The following TINAG variants were observed in gnomAD, a reference collection of about 807,000 sequenced individuals.
TINAG encodes the protein tubulointerstitial nephritis antigen.
TINAG carries 83 observed loss-of-function variants against 72.7 expected under a neutral mutation model. The ratio of observed to expected loss-of-function variants is 1.14; its 90% CI spans 0.96 to 1.37. The LOEUF (loss-of-function observed/expected upper bound fraction) is 1.37, where lower values mean the gene tolerates loss of function less well. Among genes scored for constraint, TINAG ranks in the 40% most tolerant of loss-of-function variants. TINAG has a pLI of 0.00. For synonymous variants in TINAG, 234 were observed against 189.9 expected, an observed-to-expected ratio of 1.23 and a Z score of -1.91; for missense variants, 685 against 576.6, an observed-to-expected ratio of 1.19 and a Z score of -1.93.
At chr6:54,336,586 A>G (rs752776800) in intron 4 of TINAG, among the ~76,000 whole-genome samples, 4 of 152,188 alleles carry the variant, frequency 2.6e-5, no homozygotes, top group Non-Finnish European at 5.9e-5. Context: ...TATTAAAAAT[A>G]TTTTGAAAAA....
At chr6:54,320,530 T>A in intron 1 of TINAG, 49 bp from the exon 2 acceptor site, 3 of 1,454,994 alleles carry the variant, frequency 2.1e-6, no homozygotes, top group Non-Finnish European at 2.8e-6. Flanking sequence ...GTTAATGCAC[T>A]TTATTACTTA....
At chr6:54,364,116 A>G (rs1477395719) in intron 9 of TINAG, among the ~76,000 whole-genome samples, 2 of 151,404 alleles carry the variant, frequency 1.3e-5, no homozygotes, top group African/African-American at 4.8e-5. Flanking sequence ...GGAAAATTAG[A>G]TAGTTTGTAA....
intron 1 of TINAG, among the ~76,000 whole-genome samples, chr6:54,315,571 G>C (rs1036634747): frequency 1.4e-4 from 21 of 152,026 alleles, no homozygotes; most frequent in Non-Finnish European, 2.6e-4. Flanking sequence ...CATCTACATG[G>C]GAGGCTGAGG....
intron 4 of TINAG, among the ~76,000 whole-genome samples, chr6:54,330,978 C>G (rs1389580220): frequency 1.3e-5 from 2 of 152,074 alleles, no homozygotes; most frequent in African/African-American, 4.8e-5. Flanking sequence ...AGCCTACCAA[C>G]CAAAAAAGTC....
intron 4 of TINAG, among the ~76,000 whole-genome samples, chr6:54,334,009 A>G (rs1003840598): frequency 2.0e-4 from 31 of 152,114 alleles, no homozygotes; most frequent in Admixed American, 2.0e-3. Flanking sequence ...TTGAACTATC[A>G]TATTGGTTTT....
chr6:54,355,714 C>CGTGT (rs5876379), intron 9 of TINAG, among the ~76,000 whole-genome samples: 7,392 of 144,956 alleles, frequency 0.051, 402 homozygotes, highest in African/African-American at 0.13. Flanking sequence ...AAAAATGTAA[C>CGTGT]GTGTGTGTGT....
intron 9 of TINAG, 106 bp downstream of exon 9, chr6:54,354,742 G>A: frequency 8.1e-7 from 1 of 1,237,046 alleles, no homozygotes. Flanking sequence ...GAGAGATTGT[G>A]ATACAAATGA....
chr6:54,387,085 A>C (rs1184293037), intron 10 of TINAG, among the ~76,000 whole-genome samples: 1 of 152,178 alleles, frequency 6.6e-6, no homozygotes. Flanking sequence ...ATAACTCAAT[A>C]AAATAGAACT....
chr6:54,309,943 T>C (rs1317739663), intron 1 of TINAG, among the ~76,000 whole-genome samples: 1 of 152,156 alleles, frequency 6.6e-6, no homozygotes, highest in East Asian at 1.9e-4. Flanking sequence ...TCTACATACG[T>C]ATTATTTTAA....
chr6:54,365,716 T>C (rs1763387634), intron 9 of TINAG, among the ~76,000 whole-genome samples: 1 of 151,600 alleles, frequency 6.6e-6, no homozygotes, highest in African/African-American at 2.4e-5. Flanking sequence ...GGAGTAGAAT[T>C]CCAAATTTGC....
At chr6:54,380,009 T>C (rs1763897835) in intron 9 of TINAG, among the ~76,000 whole-genome samples, 2 of 152,084 alleles carry the variant, frequency 1.3e-5, no homozygotes, top group African/African-American at 2.4e-5. Flanking sequence ...AACTCTCACT[T>C]GTGAGTGAGA....
chr6:54,346,025 C>G (rs1785113455), intron 5 of TINAG, among the ~76,000 whole-genome samples: 1 of 151,716 alleles, frequency 6.6e-6, no homozygotes, highest in South Asian at 2.1e-4. Context: ...AGTAAGAAAC[C>G]AACTTAGAAC....
In TINAG at chr6:54,308,870, A is replaced by C; in HGVS notation, c.320A>C (p.Glu107Ala). Residue 107 changes from glutamate to alanine, a missense_variant, in exon 1 of 11, where the codon GAA becomes GCA. Glu to Ala is a moderately radical substitution (Grantham distance 107). Transcript: ENST00000259782. ...AAGTCCTTTTGCCGTGAAGAGAAAG[A>C]ATGGCCTCCTCACACACAGCCTTGG... The part of the protein sequence containing the change: ...DYKSFCREEK[E>A]WPPHTQPWYP... 6.2e-7 allele frequency: 1 copy of C among 1,613,054 alleles called. No homozygotes were observed. Among genetic ancestry groups the C allele is most frequent in the Non-Finnish European group, 8.5e-7 (1 of 1,179,568 alleles).
intron 9 of TINAG, among the ~76,000 whole-genome samples, chr6:54,357,174 A>AT (rs937205742): frequency 3.3e-5 from 5 of 151,664 alleles, no homozygotes; most frequent in African/African-American, 4.8e-5. Flanking sequence ...TCTTCATCTG[A>AT]TTTTTTTCTT....
chr6:54,321,469 G>C, intron 3 of TINAG, 83 bp downstream of exon 3: 1 of 936,004 alleles, frequency 1.1e-6, no homozygotes, highest in Non-Finnish European at 1.7e-6. Flanking sequence ...TTCTATAAAT[G>C]GTCATTGTTT....
chr6:54,365,297 G>C (rs1763373340), intron 9 of TINAG: 1 of 151,306 alleles, frequency 6.6e-6, no homozygotes. Flanking sequence ...TTTTTGGTGG[G>C]GTGCACTGGT....
chr6:54,331,741 G>C (rs1784747453), intron 4 of TINAG, among the ~76,000 whole-genome samples: 3 of 151,374 alleles, frequency 2.0e-5, no homozygotes, highest in Admixed American at 6.6e-5. Flanking sequence ...TCCTTAAGCT[G>C]ATAAGCAACT....
intron 9 of TINAG, among the ~76,000 whole-genome samples, chr6:54,378,456 G>T (rs1233836530): frequency 6.6e-6 from 1 of 152,036 alleles, no homozygotes; most frequent in Non-Finnish European, 1.5e-5. Flanking sequence ...TTCTTGAAAA[G>T]AAACTTACAG....
At position 54,349,897 on chromosome 6, in the gene TINAG, G is replaced by T; in HGVS notation, c.1080+1G>T. The T allele has an allele frequency of 6.5e-7, 1 of 1,544,196 alleles. No individual in the cohort carries two copies. Among genetic ancestry groups the T allele is most frequent in the Non-Finnish European group, 8.8e-7 (1 of 1,138,440 alleles). On this transcript the variant is annotated splice_donor_variant, in intron 7 of 10. Coordinates refer to ENST00000259782, the MANE Select transcript of TINAG (RefSeq NM_014464.4). LOFTEE classifies it high-confidence loss of function. Reference sequence around the variant, plus strand: ...TCCTCCATACAGAGTCTCTTCCAACGTAAGTATAAATGGCAAGAATCAAGA... The same window carrying T: ...TCCTCCATACAGAGTCTCTTCCAACTTAAGTATAAATGGCAAGAATCAAGA...
Sources: allele counts gnomAD v4.1 joint callset (sites outside exome capture counted in the v4.1 genomes callset), GRCh38; gene constraint gnomAD v4.1.1; transcripts MANE v1.5; gene names NCBI Gene and HGNC (gene_info 2026-07-23, HGNC 2026-07-21).